The following NRP2 variants were observed in gnomAD, a reference collection of about 807,000 sequenced individuals.
NRP2 encodes neuropilin-2.
A neutral mutation model predicts 110.4 loss-of-function variants in NRP2; 52 were observed. The observed-to-expected ratio is 0.47, with a 90% confidence interval of 0.38 to 0.59. NRP2 has a LOEUF of 0.59. Among genes scored for constraint, NRP2 ranks in the 20% least tolerant of loss-of-function variants. NRP2 has a pLI of 0.00. For missense variants in NRP2, 1,049 were observed against 1,203.0 expected, an observed-to-expected ratio of 0.87 and a Z score of 1.89; for synonymous variants, 508 against 468.9, an observed-to-expected ratio of 1.08 and a Z score of -1.08.
intron 7 of NRP2, among the ~76,000 whole-genome samples, chr2:205,734,170 T>TTATATATA (rs61142559): frequency 1.3e-5 from 2 of 149,308 alleles, no homozygotes; most frequent in African/African-American, 4.9e-5. Flanking sequence ...CTCTCTGTGT[T>TTATATATA]TATATATATA....
chr2:205,733,634 A>G (rs76388278), intron 7 of NRP2, among the ~76,000 whole-genome samples: 6,743 of 152,008 alleles, frequency 0.044, 452 homozygotes, highest in African/African-American at 0.15. Context: ...AAACCCAAAC[A>G]TCTGTGTTAG....
At chr2:205,768,530 C>T (rs1402814359) in intron 15 of NRP2, 2 of 152,134 alleles carry the variant, frequency 1.3e-5, no homozygotes, top group African/African-American at 2.4e-5. Context: ...GCTTCACTTC[C>T]GTAAGAGAAT....
intron 2 of NRP2, among the ~76,000 whole-genome samples, chr2:205,704,082 G>C (rs969322771): frequency 6.6e-6 from 1 of 152,078 alleles, no homozygotes; most frequent in African/African-American, 2.4e-5. Flanking sequence ...TATGTCCAGC[G>C]ACCTCCCCCA....
chr2:205,705,888 T>C (rs972421851), intron 2 of NRP2, among the ~76,000 whole-genome samples: 3 of 152,138 alleles, frequency 2.0e-5, no homozygotes, highest in Non-Finnish European at 4.4e-5. Context: ...ACAAGCCTTT[T>C]CTTTTCCTTT....
At chr2:205,730,928 G>A (rs1459405583) in intron 7 of NRP2, among the ~76,000 whole-genome samples, 1 of 152,210 alleles carries the variant, frequency 6.6e-6, no homozygotes, top group East Asian at 1.9e-4. Context: ...TAGCCAGGCA[G>A]CAGCCTGTTC....
At chr2:205,782,233 C>A (rs1215891010) in intron 15 of NRP2, among the ~76,000 whole-genome samples, 4 of 151,992 alleles carry the variant, frequency 2.6e-5, no homozygotes, top group Non-Finnish European at 5.9e-5. Context: ...CCCCTGAGAG[C>A]CCCAAAAAGC....
chr2:205,768,466 G>A (rs1316691205), intron 15 of NRP2: 1 of 152,228 alleles, frequency 6.6e-6, no homozygotes, highest in African/African-American at 2.4e-5. Context: ...ACACTGTTCT[G>A]TGTGCACACC....
At chr2:205,768,612 T>C (rs928742746) in intron 15 of NRP2, 3 of 152,232 alleles carry the variant, frequency 2.0e-5, no homozygotes, top group Admixed American at 2.0e-4. Flanking sequence ...AGTCATGCTC[T>C]CTTGTAAAAA....
In NRP2 at chr2:205,697,526, C is replaced by T. The variant is rs849558; in HGVS notation, c.74-18C>T. ...GTAACATATTTGAAGTTCTTTGGGT[C>T]GTTGATTTCTCTTTCAGACCCACCG... On this transcript the variant is annotated intron_variant, in intron 1 of 16. Coordinates refer to ENST00000357785, the MANE Select transcript of NRP2 (RefSeq NM_003872.3). 0.97 allele frequency: 1,563,323 copies of T among 1,611,196 alleles called. 760,334 individuals are homozygous for T. Among genetic ancestry groups the T allele is most frequent in the Non-Finnish European group, 0.99 (1,163,314 of 1,177,640 alleles).
chr2:205,720,923 T>C (rs1410512275), intron 3 of NRP2, among the ~76,000 whole-genome samples: 1 of 152,208 alleles, frequency 6.6e-6, no homozygotes, highest in Non-Finnish European at 1.5e-5. Context: ...ACAGAACCCA[T>C]GCAAAGGTTA....
chr2:205,781,090 C>A (rs1255397627), intron 15 of NRP2, among the ~76,000 whole-genome samples: 1 of 152,212 alleles, frequency 6.6e-6, no homozygotes, highest in African/African-American at 2.4e-5. Flanking sequence ...GACCTGGGAC[C>A]AAACTTGCCG....
intron 8 of NRP2, 54 bp from the exon 9 acceptor site, chr2:205,743,149 C>T: frequency 6.2e-7 from 1 of 1,601,864 alleles, no homozygotes; most frequent in Non-Finnish European, 8.5e-7. Context: ...GCGGGTGGTC[C>T]CTGGTTAGCA....
intron 15 of NRP2, chr2:205,776,703 G>T: frequency 6.7e-7 from 1 of 1,494,790 alleles, no homozygotes. Flanking sequence ...GTTCATTTTG[G>T]TTTCTGGTTT....
Position 205,795,168 on chromosome 2 carries a change from T to C in NRP2, c.*110T>C, listed in dbSNP as rs2058341298. 4.6e-6 allele frequency: 5 copies of C among 1,095,474 alleles called. No individual in the cohort carries two copies. Among genetic ancestry groups the C allele is most frequent in the Middle Eastern group, 2.2e-4 (1 of 4,558 alleles). The allele number at this position is 1,095,474 out of a possible 1,614,324, so 67.9% of individuals were successfully genotyped here. A position where few individuals can be genotyped will look rare whatever the true frequency, so the allele number is the denominator to read the frequency against. The stretch of plus-strand genomic sequence containing the variant: ...AATGCCATAATCTCGATCAAACCGA[T>C]CCAGAATACCGAAGGTATGGACAGG... On this transcript the variant is annotated 3_prime_UTR_variant, in exon 17 of 17. Coordinates refer to ENST00000357785, the MANE Select transcript of NRP2 (RefSeq NM_003872.3).
At chr2:205,690,664 C>A (rs2056295610) in intron 1 of NRP2, among the ~76,000 whole-genome samples, 3 of 151,472 alleles carry the variant, frequency 2.0e-5, no homozygotes, top group Admixed American at 2.0e-4. Flanking sequence ...CCTATAATCC[C>A]AGCTACTTGG....
At chr2:205,781,362 CAGA>C (rs1241976126) in intron 15 of NRP2, among the ~76,000 whole-genome samples, 1 of 152,190 alleles carries the variant, frequency 6.6e-6, no homozygotes, top group African/African-American at 2.4e-5. Flanking sequence ...TCATAAATAC[CAGA>C]TGTCAAGGCC....
intron 15 of NRP2, among the ~76,000 whole-genome samples, chr2:205,781,174 C>T (rs973261407): frequency 6.6e-6 from 1 of 152,204 alleles, no homozygotes; most frequent in Admixed American, 6.5e-5. Context: ...GGAATTTTCC[C>T]ACCTTGGTTC....
intron 15 of NRP2, among the ~76,000 whole-genome samples, chr2:205,771,901 C>T (rs2058028422): frequency 6.6e-6 from 1 of 152,232 alleles, no homozygotes; most frequent in South Asian, 2.1e-4. Flanking sequence ...TGTCTGTGTT[C>T]CAACAAAAAT....
chr2:205,684,632 C>T (rs1195438494), intron 1 of NRP2, among the ~76,000 whole-genome samples: 2 of 152,154 alleles, frequency 1.3e-5, no homozygotes, highest in African/African-American at 4.8e-5. Flanking sequence ...TTCAGGAATG[C>T]CTTTGCCACC....
Sources: allele counts gnomAD v4.1 joint callset (sites outside exome capture counted in the v4.1 genomes callset), GRCh38; gene constraint gnomAD v4.1.1; transcripts MANE v1.5; gene names NCBI Gene and HGNC (gene_info 2026-07-23, HGNC 2026-07-21).